The following EXOSC7 variants were observed in gnomAD, a reference collection of about 807,000 sequenced individuals.
EXOSC7 encodes exosome component 7.
EXOSC7 carries 25 observed loss-of-function variants against 34.3 expected under a neutral mutation model. The ratio of observed to expected loss-of-function variants is 0.73; its 90% CI spans 0.53 to 1.02. EXOSC7 has a LOEUF of 1.02. EXOSC7 is among the 50% of genes least tolerant of loss of function. The pLI, the probability that EXOSC7 is intolerant of heterozygous loss-of-function variation, is 0.00. For missense variants in EXOSC7, 370 were observed against 368.5 expected, an observed-to-expected ratio of 1.00 and a Z score of -0.03; for synonymous variants, 130 against 143.0, an observed-to-expected ratio of 0.91 and a Z score of 0.65.
chr3:44,979,752 C>CT (rs541436290), intron 1 of EXOSC7, among the ~76,000 whole-genome samples: 61 of 152,164 alleles, frequency 4.0e-4, no homozygotes, highest in African/African-American at 1.3e-3. Context: ...GAAAGAAACT[C>CT]TAGTTCTTTT....
At chr3:44,994,777 C>T (rs1386408878) in intron 3 of EXOSC7, among the ~76,000 whole-genome samples, 1 of 151,834 alleles carries the variant, frequency 6.6e-6, no homozygotes, top group African/African-American at 2.4e-5. Flanking sequence ...TGGCACCATC[C>T]AGTTACAGGA....
Position 44,986,451 on chromosome 3 carries a change from G to A in EXOSC7, c.58-2689G>A, listed in dbSNP as rs1249454154. 5.3e-5 allele frequency among the ~76,000 whole-genome samples: 8 copies of A among 151,886 alleles called. No homozygotes were observed. The South Asian group carries it at 6.3e-4, about 12-fold the overall frequency. On this transcript the variant is annotated intron_variant, in intron 1 of 7. Coordinates refer to ENST00000265564, the MANE Select transcript of EXOSC7 (RefSeq NM_015004.4). ...TCGCGCTGGCCCGCAAGCACTGCCC[G>A]CAGCCCTGGTTCCCACCCACGCCTC...
In EXOSC7 at chr3:45,011,333, G is replaced by T; in HGVS notation, c.870G>T (p.Leu290=). The T allele has an allele frequency of 1.2e-6, 2 of 1,603,042 alleles. No homozygotes were observed. Among genetic ancestry groups the T allele is most frequent in the East Asian group, 2.2e-5 (1 of 44,684 alleles). The change falls in exon 8 of 8, where the codon CTG becomes CTT. Residue 290 remains leucine (L), a synonymous_variant. Coordinates refer to ENST00000265564, the MANE Select transcript of EXOSC7 (RefSeq NM_015004.4). ...LGPKRQKVGF[L]G is the part of the protein sequence containing the mutation. ...CCAAGAGACAGAAAGTTGGATTCCTGGGATGATTTGCACATCAACTGCTCA... is the reference window on the plus strand; with the variant it reads ...CCAAGAGACAGAAAGTTGGATTCCTTGGATGATTTGCACATCAACTGCTCA...
At chr3:44,980,510 T>C (rs1327720666) in intron 1 of EXOSC7, among the ~76,000 whole-genome samples, 1 of 152,156 alleles carries the variant, frequency 6.6e-6, no homozygotes. Context: ...AGTAATTGAG[T>C]GGTGGCACTG....
intron 1 of EXOSC7, among the ~76,000 whole-genome samples, chr3:44,988,364 A>G (rs1706476599): frequency 6.6e-6 from 1 of 152,236 alleles, no homozygotes; most frequent in Non-Finnish European, 1.5e-5. Flanking sequence ...TACTGATACA[A>G]GTAATTGAAG....
intron 3 of EXOSC7, among the ~76,000 whole-genome samples, chr3:44,996,845 A>G (rs1332852038): frequency 1.3e-5 from 2 of 152,242 alleles, no homozygotes; most frequent in Non-Finnish European, 2.9e-5. Flanking sequence ...GGCTTCTGTT[A>G]GATGCTATTG....
chr3:44,988,950 T>C (rs937928654), intron 1 of EXOSC7, among the ~76,000 whole-genome samples, 190 bp from the exon 2 acceptor site: 1 of 152,244 alleles, frequency 6.6e-6, no homozygotes, highest in African/African-American at 2.4e-5. Context: ...GCTCAACTTC[T>C]CTGAGTCTCC....
At chr3:44,984,033 AG>A (rs1470947652) in intron 1 of EXOSC7, among the ~76,000 whole-genome samples, 1 of 152,208 alleles carries the variant, frequency 6.6e-6, no homozygotes, top group Non-Finnish European at 1.5e-5. Flanking sequence ...GCCTTTCTCC[AG>A]GAGGCAGAGA....
intron 4 of EXOSC7, among the ~76,000 whole-genome samples, chr3:44,999,304 CTTTT>C (rs1706811592): frequency 6.6e-6 from 1 of 152,172 alleles, no homozygotes; most frequent in Non-Finnish European, 1.5e-5. Context: ...GTAGACCTTT[CTTTT>C]TAAGACTCCT....
Position 44,999,243 on chromosome 3 carries a change from A to T in EXOSC7, c.420+1991A>T, listed in dbSNP as rs563351940. ...CCTCTTCAGTGAGCAGGGGATGGAT[A>T]CATGGTGCGCAGGAATATCCAGGGG... On this transcript the variant is annotated intron_variant, in intron 4 of 7. Coordinates refer to ENST00000265564, the MANE Select transcript of EXOSC7 (RefSeq NM_015004.4). Among the ~76,000 whole-genome samples, 11 of 152,366 alleles carry T rather than the reference A, an allele frequency of 7.2e-5. No individual in the cohort carries two copies. The South Asian group carries it at 2.3e-3, about 32-fold the overall frequency.
intron 1 of EXOSC7, among the ~76,000 whole-genome samples, chr3:44,979,844 G>C (rs1484618823): frequency 6.6e-6 from 1 of 152,198 alleles, no homozygotes; most frequent in Non-Finnish European, 1.5e-5. Context: ...GGAGAAGTCA[G>C]TTTGTGAGAA....
At chr3:45,004,222 G>A (rs1706964812) in intron 5 of EXOSC7, 1 of 151,948 alleles carries the variant, frequency 6.6e-6, no homozygotes, top group African/African-American at 2.4e-5. Context: ...AGCAGTGTAT[G>A]TAAGAGTTCC....
chr3:44,994,937 C>G (rs1249624090), intron 3 of EXOSC7, among the ~76,000 whole-genome samples: 1 of 147,794 alleles, frequency 6.8e-6, no homozygotes, highest in African/African-American at 2.5e-5. Flanking sequence ...GTAAAAATTT[C>G]CACTTTAACC....
chr3:45,008,286 T>C (rs1353435251), intron 7 of EXOSC7, among the ~76,000 whole-genome samples: 1 of 152,222 alleles, frequency 6.6e-6, no homozygotes, highest in Non-Finnish European at 1.5e-5. Flanking sequence ...GGAACAGAGT[T>C]AGCAGGATCT....
At chr3:44,988,693 G>T (rs1706486459) in intron 1 of EXOSC7, among the ~76,000 whole-genome samples, 2 of 152,192 alleles carry the variant, frequency 1.3e-5, no homozygotes, top group Admixed American at 1.3e-4. Context: ...AGTAGATCTT[G>T]TTGAGTTTTA....
chr3:45,005,554 A>C, intron 6 of EXOSC7, 140 bp downstream of exon 6: 1 of 752,906 alleles, frequency 1.3e-6, no homozygotes, highest in Non-Finnish European at 2.0e-6. Context: ...AAATCCAATA[A>C]TTTGGTTATA....
rs1363317404 is a variant in EXOSC7, at chr3:45,005,497, G to T, written c.615+83G>T. On this transcript the variant is annotated intron_variant, in intron 6 of 7. Transcript: ENST00000265564. Reference sequence around the variant, plus strand: ...CCAACCTGCTGAGGTTACTTAATAAGTTAAGAAGTTGTAATACCACACACC... The same window carrying T: ...CCAACCTGCTGAGGTTACTTAATAATTTAAGAAGTTGTAATACCACACACC... 37 of 1,433,532 alleles carry T rather than the reference G, an allele frequency of 2.6e-5. No homozygotes were observed. In the South Asian group the frequency reaches 4.6e-4, roughly 18 times the overall value. 88.8% of individuals were successfully genotyped at this position (1,433,532 alleles called of 1,614,324 possible). A position where few individuals can be genotyped will look rare whatever the true frequency, so the allele number is the denominator to read the frequency against.
Position 44,997,265 on chromosome 3 carries a change from G to GCCAA in EXOSC7, c.420+13_420+14insCCAA. 1 of 1,611,778 alleles carries GCCAA rather than the reference G, an allele frequency of 6.2e-7. No homozygotes were observed. The highest frequency in any genetic ancestry group is 8.5e-7 in the Non-Finnish European group (1 of 1,178,612). ...TGTGGATGTGCTGGTGAGTATCATC[G>GCCAA]TGCTGTACTGGCCACATTCTACCTT... On this transcript the variant is annotated intron_variant, in intron 4 of 7. Coordinates refer to ENST00000265564, the MANE Select transcript of EXOSC7 (RefSeq NM_015004.4).
intron 3 of EXOSC7, 34 bp downstream of exon 3, chr3:44,989,678 A>T (rs750534051): frequency 3.4e-6 from 5 of 1,484,188 alleles, no homozygotes; most frequent in Non-Finnish European, 4.7e-6. Flanking sequence ...TTCTAAAGAT[A>T]AATGATTTTA....
Sources: allele counts gnomAD v4.1 joint callset (sites outside exome capture counted in the v4.1 genomes callset), GRCh38; gene constraint gnomAD v4.1.1; transcripts MANE v1.5; gene names NCBI Gene and HGNC (gene_info 2026-07-23, HGNC 2026-07-21).